SLC16A10: variants seen among roughly 807,000 people sequenced by gnomAD.
The protein encoded by SLC16A10 is monocarboxylate transporter 10.
SLC16A10 carries 27 observed loss-of-function variants against 40.0 expected under a neutral mutation model. The observed-to-expected ratio is 0.67, with a 90% confidence interval of 0.50 to 0.93. The LOEUF is 0.93. SLC16A10 is among the 40% of genes least tolerant of loss of function. The probability of loss-of-function intolerance (pLI) is 0.00; values close to 1 mark genes in which losing one functional copy is unlikely to be tolerated. For missense variants in SLC16A10, 529 were observed against 658.2 expected (o/e 0.80, Z 2.15); for synonymous variants, 213 against 249.8 (o/e 0.85, Z 1.39).
chr6:111,157,571 C>T (rs975839581), intron 1 of SLC16A10, among the ~76,000 whole-genome samples: 11 of 152,092 alleles, frequency 7.2e-5, no homozygotes, highest in Non-Finnish European at 1.5e-5. Flanking sequence ...CATGAGCCAC[C>T]GTGCCTGGCC....
chr6:111,163,514 T>C (rs115161286), intron 1 of SLC16A10, among the ~76,000 whole-genome samples: 6,756 of 152,290 alleles, frequency 0.044, 349 homozygotes, highest in African/African-American at 0.13. Context: ...AGAAACCTCA[T>C]AGAATTTTGG....
At chr6:111,100,984 CTCTCTCTCTA>C (rs1349881545) in intron 1 of SLC16A10, among the ~76,000 whole-genome samples, 8,497 of 102,260 alleles carry the variant, frequency 0.083, 184 homozygotes, top group Non-Finnish European at 0.12. Context: ...CTCTCTCTCT[CTCTCTCTCTA>C]TATATATATA....
chr6:111,158,168 CTG>C (rs1371943492), intron 1 of SLC16A10, among the ~76,000 whole-genome samples: 1 of 152,074 alleles, frequency 6.6e-6, no homozygotes, highest in African/African-American at 2.4e-5. Flanking sequence ...AAAATGTAGT[CTG>C]TCATTTTTAA....
rs756125207 is a variant in SLC16A10, at chr6:111,087,944, C to T, written c.192C>T (p.Pro64=). 2 of 1,609,788 alleles carry T rather than the reference C, an allele frequency of 1.2e-6. No homozygotes were observed. The highest frequency in any genetic ancestry group is 4.5e-5 in the East Asian group (2 of 44,648). The change falls in exon 1 of 6, where the codon CCC becomes CCT. Residue 64 remains proline (P), a synonymous_variant. Transcript: ENST00000368851. The part of the protein sequence containing the change: ...ATAEPHEPPE[P]PEGGWGWLVM... ...CGGAGCCCCATGAGCCCCCCGAACC[C>T]CCCGAGGGCGGCTGGGGCTGGCTGG...
intron 3 of SLC16A10, among the ~76,000 whole-genome samples, chr6:111,185,066 A>C (rs568906711): frequency 6.6e-6 from 1 of 152,312 alleles, no homozygotes; most frequent in East Asian, 1.9e-4. Context: ...AGGGAGATTC[A>C]TGTAACATTT....
intron 1 of SLC16A10, among the ~76,000 whole-genome samples, chr6:111,109,676 T>G (rs1771350864): frequency 6.6e-6 from 1 of 152,114 alleles, no homozygotes; most frequent in Non-Finnish European, 1.5e-5. Flanking sequence ...GGTCTCAAAC[T>G]CCTGGCCTCA....
intron 3 of SLC16A10, 22 bp downstream of exon 3, chr6:111,177,687 T>C (rs1772712896): frequency 1.3e-6 from 2 of 1,489,888 alleles, no homozygotes; most frequent in Admixed American, 2.3e-5. Context: ...CCTTCACTGA[T>C]CATGAATATT....
At chr6:111,188,162 C>T (rs539859558) in intron 3 of SLC16A10, among the ~76,000 whole-genome samples, 1 of 152,194 alleles carries the variant, frequency 6.6e-6, no homozygotes, top group African/African-American at 2.4e-5. Context: ...GCACTGCAAC[C>T]AATTAAAATA....
intron 1 of SLC16A10, among the ~76,000 whole-genome samples, chr6:111,111,748 G>A (rs984254455): frequency 3.9e-5 from 6 of 152,218 alleles, no homozygotes; most frequent in South Asian, 4.2e-4. Context: ...TGTCAGTGAG[G>A]TCGTGTAAGT....
Position 111,087,932 on chromosome 6 carries a change from G to A in SLC16A10, c.180G>A (p.Glu60=), listed in dbSNP as rs1418356751. 5 of 1,604,182 alleles carry A rather than the reference G, an allele frequency of 3.1e-6. No homozygotes were observed. The highest frequency in any genetic ancestry group is 2.2e-5 in the South Asian group (2 of 89,572). ...GGCCGGCGACCGCGGAGCCCCATGAGCCCCCCGAACCCCCCGAGGGCGGCT... is the reference window on the plus strand; with the variant it reads ...GGCCGGCGACCGCGGAGCCCCATGAACCCCCCGAACCCCCCGAGGGCGGCT... ...LAGPATAEPH[E]PPEPPEGGWG... is the part of the protein sequence containing the mutation. The change falls in exon 1 of 6, where the codon GAG becomes GAA. Residue 60 remains glutamate, a synonymous_variant. Coordinates refer to ENST00000368851, the MANE Select transcript of SLC16A10 (RefSeq NM_018593.5).
intron 3 of SLC16A10, among the ~76,000 whole-genome samples, chr6:111,199,285 C>T (rs1354638476): frequency 6.6e-6 from 1 of 152,068 alleles, no homozygotes; most frequent in Non-Finnish European, 1.5e-5. Flanking sequence ...CATGGTGAAA[C>T]TCTGTCTCTG....
chr6:111,177,987 A>G (rs1450261885), intron 3 of SLC16A10, among the ~76,000 whole-genome samples: 6 of 152,172 alleles, frequency 3.9e-5, no homozygotes, highest in African/African-American at 9.7e-5. Flanking sequence ...CAGCCTAGAC[A>G]ACATAGAGAG....
In SLC16A10 at chr6:111,227,342, T is replaced by C. The variant is rs2114601478; in HGVS notation, c.*5107T>C. The C allele has an allele frequency of 6.6e-6, 1 of 152,310 alleles. No homozygotes were observed. The highest frequency in any genetic ancestry group is 1.5e-5 in the Non-Finnish European group (1 of 68,030). The allele number at this position is 152,310 out of a possible 1,614,324, so 9.4% of individuals were successfully genotyped here. On this transcript the variant is annotated 3_prime_UTR_variant, in exon 6 of 6. Coordinates refer to ENST00000368851, the MANE Select transcript of SLC16A10 (RefSeq NM_018593.5). ...AATGCTTTGTGTTATAAATATACTA[T>C]AGAACAATAGGTCACGATTCTCAAG...
At chr6:111,128,286 C>T (rs542876870) in intron 1 of SLC16A10, among the ~76,000 whole-genome samples, 4 of 152,276 alleles carry the variant, frequency 2.6e-5, no homozygotes, top group African/African-American at 9.6e-5. Context: ...CTTTCCTTCT[C>T]ATTTTACAGA....
chr6:111,148,061 G>A (rs1341554238), intron 1 of SLC16A10, among the ~76,000 whole-genome samples: 4 of 152,160 alleles, frequency 2.6e-5, no homozygotes, highest in Non-Finnish European at 5.9e-5. Flanking sequence ...AAACAGAATG[G>A]CAGAGACAAT....
At chr6:111,113,504 T>C (rs1771428624) in intron 1 of SLC16A10, among the ~76,000 whole-genome samples, 1 of 152,220 alleles carries the variant, frequency 6.6e-6, no homozygotes, top group South Asian at 2.1e-4. Context: ...CACTTTTAAC[T>C]CTCAAGCTAA....
intron 4 of SLC16A10, among the ~76,000 whole-genome samples, chr6:111,214,491 T>C (rs576617022): frequency 2.0e-5 from 3 of 152,334 alleles, no homozygotes; most frequent in East Asian, 1.9e-4. Flanking sequence ...CATGTGCTCC[T>C]TGTGGCCCAG....
intron 1 of SLC16A10, among the ~76,000 whole-genome samples, chr6:111,166,010 C>T (rs539734307): frequency 1.3e-5 from 2 of 152,238 alleles, no homozygotes; most frequent in South Asian, 4.1e-4. Context: ...GACCAGTTTG[C>T]ATGGCTGGCT....
intron 3 of SLC16A10, among the ~76,000 whole-genome samples, chr6:111,202,685 G>A (rs979433726): frequency 1.3e-5 from 2 of 151,760 alleles, no homozygotes; most frequent in African/African-American, 2.4e-5. Flanking sequence ...TCAGGAGTTC[G>A]AGACCAGCCT....
Sources: gnomAD v4.1 joint callset for allele counts (sites outside exome capture counted in the v4.1 genomes callset) on GRCh38, gnomAD v4.1.1 for gene constraint, MANE v1.5 for transcripts, NCBI Gene and HGNC (gene_info 2026-07-23, HGNC 2026-07-21) for gene names.